The following ZNF276 variants were observed in gnomAD, a reference collection of about 807,000 sequenced individuals.
The protein encoded by ZNF276 is centromere protein Z.
Under a neutral mutation model 63.9 loss-of-function variants are expected in ZNF276, and 59 were observed. The observed-to-expected ratio is 0.92, with a 90% CI of 0.75 to 1.15. The LOEUF (loss-of-function observed/expected upper bound fraction) is 1.15. Among genes scored for constraint, ZNF276 ranks in the 50% most tolerant of loss-of-function variants. ZNF276 has a pLI of 0.00. For synonymous variants in ZNF276, 496 were observed against 348.4 expected (o/e 1.42, Z -4.72); for missense variants, 1,084 against 843.8 (o/e 1.28, Z -3.53).
chr16:89,734,167 G>A lies in ZNF276; in HGVS notation c.1474+129G>A, dbSNP rs950664462. 2.2e-5 allele frequency: 17 copies of A among 760,310 alleles called. 1 individual carries two copies. The highest frequency in any genetic ancestry group is 1.5e-4 in the Admixed American group (6 of 40,592). The allele number at this position is 760,310 out of a possible 1,614,324, so 47.1% of individuals were successfully genotyped here. On this transcript the variant is annotated intron_variant, in intron 9 of 10. Coordinates refer to ENST00000443381, the MANE Select transcript of ZNF276 (RefSeq NM_001113525.2). ...GTGAAGGTGGCTCATGGGGTCTTTG[G>A]TACTCAGTCACGTTGGTAGATGAAG...
At chr16:89,723,110 G>C (rs1440033089) in intron 2 of ZNF276, 27 bp from the exon 3 acceptor site, 1 of 1,613,158 alleles carries the variant, frequency 6.2e-7, no homozygotes. Flanking sequence ...TGCTTGTCCT[G>C]CTCATGGCCA....
At position 89,723,181 on chromosome 16, in the gene ZNF276, T is replaced by C. The variant is rs1269102494; in HGVS notation, c.554T>C (p.Leu185Pro). Residue 185 changes from leucine (L) to proline (P), a missense_variant and splice_region_variant, in exon 3 of 11, where the codon CTG (leucine) becomes CCG (proline). Transcript: ENST00000443381. ...ACAGGGGCAGAGGAGGGAGCGTGTCTGGGTGAGTCCTCCCCCGGTGGAGGG... is the reference window on the plus strand; with the variant it reads ...ACAGGGGCAGAGGAGGGAGCGTGTCCGGGTGAGTCCTCCCCCGGTGGAGGG... ...PPTGAEEGACLVDLITSSPQC... is the reference protein window; with the variant it reads ...PPTGAEEGACPVDLITSSPQC... 2 of 1,613,178 alleles carry C rather than the reference T, an allele frequency of 1.2e-6. No individual in the cohort carries two copies. Among genetic ancestry groups the C allele is most frequent in the South Asian group, 2.2e-5 (2 of 91,088 alleles).
rs748405201 is a variant in ZNF276 at position 89,722,812 on chromosome 16, G to T, written c.487G>T (p.Gly163Cys). ...FLQRVNASPA[G>C]RRKPCAKVGA... ...GCAGAGGGTCAACGCCTCCCCGGCT[G>T]GTCGCCGGAAGCCTTGTGCAAAGTA... Residue 163 changes from glycine to cysteine, a missense_variant, in exon 2 of 11, where the codon GGT (glycine) becomes TGT (cysteine). Transcript: ENST00000443381. 6.2e-7 allele frequency: 1 copy of T among 1,604,386 alleles called. No individual in the cohort carries two copies. Among genetic ancestry groups the T allele is most frequent in the East Asian group, 2.2e-5 (1 of 44,874 alleles).
rs201205004 is a variant in ZNF276 at position 89,738,746 on chromosome 16, A to G, written c.*500A>G. On this transcript the variant is annotated 3_prime_UTR_variant, in exon 11 of 11. Transcript: ENST00000443381. ...AGCAGGTCCTCAGCCCATGCCGCCC[A>G]CTAGGCCTCAGACCACAGGGGAGGG... 103 of 1,612,890 alleles carry G rather than the reference A, an allele frequency of 6.4e-5. No homozygotes were observed. Among genetic ancestry groups the G allele is most frequent in the Middle Eastern group, 5.0e-4 (3 of 6,060 alleles).
At chr16:89,732,166 C>G (rs1161733202) in intron 6 of ZNF276, 1 of 58,884 alleles carries the variant, frequency 1.7e-5, no homozygotes, top group South Asian at 8.1e-4. Context: ...GTGCGTCTCT[C>G]TCTTTAAGTC....
In ZNF276 at chr16:89,738,717, G is replaced by C. The variant is rs368506826; in HGVS notation, c.*471G>C. 253 of 1,613,784 alleles carry C rather than the reference G, an allele frequency of 1.6e-4. 1 individual carries two copies. In the Middle Eastern group the frequency reaches 1.8e-3, roughly 12 times the overall value. ...CCACGATCAGCCAGCAGCTGTGAGA[G>C]AGGAGCAGGTCCTCAGCCCATGCCG... On this transcript the variant is annotated 3_prime_UTR_variant, in exon 11 of 11. Transcript: ENST00000443381.
At position 89,739,087 on chromosome 16, in the gene ZNF276, G is replaced by C. The variant is rs191404781; in HGVS notation, c.*841G>C. Reference sequence around the variant, plus strand: ...ACATTCTTTGGCAGAAGGAGCCTCCGGCTGGGGGGAGCTCCCCTGGAGGTG... The same window carrying C: ...ACATTCTTTGGCAGAAGGAGCCTCCCGCTGGGGGGAGCTCCCCTGGAGGTG... On this transcript the variant is annotated 3_prime_UTR_variant, in exon 11 of 11. Transcript: ENST00000443381. The C allele has an allele frequency of 2.5e-6, 4 of 1,613,718 alleles. No homozygotes were observed. In the African/African-American group the frequency reaches 5.3e-5, roughly 22 times the overall value.
intron 6 of ZNF276, chr16:89,731,873 C>A (rs975685761): frequency 2.6e-5 from 4 of 152,216 alleles, no homozygotes; most frequent in African/African-American, 9.7e-5. Context: ...TTAGGGTTTT[C>A]TACGTAGAAG....
At position 89,740,778 on chromosome 16, in the gene ZNF276, A is replaced by G; in HGVS notation, c.*2532A>G. Reference sequence around the variant, plus strand: ...TGCCTGGCCCACAGTGGGAGAGGACACCTTGGCTGGTAAGGTCTGACTTAC... The same window carrying G: ...TGCCTGGCCCACAGTGGGAGAGGACGCCTTGGCTGGTAAGGTCTGACTTAC... On this transcript the variant is annotated 3_prime_UTR_variant, in exon 11 of 11. Coordinates refer to ENST00000443381, the MANE Select transcript of ZNF276 (RefSeq NM_001113525.2). 1.1e-5 allele frequency: 17 copies of G among 1,609,450 alleles called. No homozygotes were observed. Among genetic ancestry groups the G allele is most frequent in the Non-Finnish European group, 1.4e-5 (17 of 1,176,590 alleles).
Position 89,738,152 on chromosome 16 carries a change from A to G in ZNF276, c.1751A>G (p.Asp584Gly), listed in dbSNP as rs745653812. 21 of 1,613,516 alleles carry G rather than the reference A, an allele frequency of 1.3e-5. No homozygotes were observed. Among genetic ancestry groups the G allele is most frequent in the Non-Finnish European group, 1.8e-5 (21 of 1,179,984 alleles). The change falls in exon 11 of 11, where the codon GAC (aspartate) becomes GGC (glycine). Residue 584 changes from aspartate (D) to glycine (G), a missense_variant. By Grantham distance (94) the Asp-to-Gly change is moderately conservative. Transcript: ENST00000443381. ...SMVHPLTQTQ[D>G]KALPLEAEPP... ...GTGCACCCGCTGACACAGACCCAGG[A>G]CAAGGCCCTGCCCCTGGAGGCGGAA...
intron 4 of ZNF276, among the ~76,000 whole-genome samples, chr16:89,725,891 T>G (rs1311777089): frequency 6.6e-6 from 1 of 152,210 alleles, no homozygotes; most frequent in African/African-American, 2.4e-5. Flanking sequence ...AAGTGATCCT[T>G]CTGCCTTGGC....
chr16:89,723,698 G>A lies in ZNF276; in HGVS notation c.995G>A (p.Cys332Tyr), dbSNP rs756238194. ...GFPPQPSLPLCRAPGQLGEKQ... is the reference protein window; with the variant it reads ...GFPPQPSLPLYRAPGQLGEKQ... ...CCACCTCAGCCAAGCCTGCCCCTTTGCAGGGCCCCAGGTAGGAGGCACCTC... is the reference window on the plus strand; with the variant it reads ...CCACCTCAGCCAAGCCTGCCCCTTTACAGGGCCCCAGGTAGGAGGCACCTC... The change falls in exon 4 of 11, where the codon TGC becomes TAC. Residue 332 changes from cysteine (C) to tyrosine (Y), a missense_variant. Transcript: ENST00000443381. 1 of 1,609,644 alleles carries A rather than the reference G, an allele frequency of 6.2e-7. No individual in the cohort carries two copies. The highest frequency in any genetic ancestry group is 8.5e-7 in the Non-Finnish European group (1 of 1,178,054).
intron 6 of ZNF276, among the ~76,000 whole-genome samples, chr16:89,730,178 C>T (rs1204941596): frequency 1.3e-5 from 2 of 152,184 alleles, no homozygotes; most frequent in South Asian, 2.1e-4. Context: ...AGATGCGAAG[C>T]AGAGGGCAGG....
chr16:89,729,610 C>A (rs2061581774), intron 6 of ZNF276, among the ~76,000 whole-genome samples: 1 of 152,154 alleles, frequency 6.6e-6, no homozygotes, highest in South Asian at 2.1e-4. Flanking sequence ...CAGAACCCCG[C>A]CTTGCTTGAG....
At chr16:89,728,959 A>AC (rs1376764114) in intron 5 of ZNF276, among the ~76,000 whole-genome samples, 44 of 152,068 alleles carry the variant, frequency 2.9e-4, no homozygotes, top group African/African-American at 9.9e-4. Context: ...GAGCGCCTCC[A>AC]CCCCTTCTGG....
intron 8 of ZNF276, 130 bp from the exon 9 acceptor site, chr16:89,733,780 TGAAGCTGTGAA>T (rs1289643877): frequency 9.0e-6 from 8 of 885,310 alleles, no homozygotes; most frequent in Non-Finnish European, 1.4e-5. Flanking sequence ...TTTCTTGGAG[TGAAGCTGTGAA>T]GGAGCCAGTG....
chr16:89,728,464 C>T (rs1476971509), intron 5 of ZNF276, among the ~76,000 whole-genome samples: 1 of 152,054 alleles, frequency 6.6e-6, no homozygotes, highest in African/African-American at 2.4e-5. Flanking sequence ...AGTGCAGTGG[C>T]ACAATCTCGG....
chr16:89,727,174 C>T, intron 4 of ZNF276, 105 bp from the exon 5 acceptor site: 1 of 1,186,562 alleles, frequency 8.4e-7, no homozygotes, highest in Middle Eastern at 2.2e-4. Flanking sequence ...GGGTCAGGGA[C>T]CCCAGTCTCC....
chr16:89,739,926 A>G lies in ZNF276; in HGVS notation c.*1680A>G, dbSNP rs2062085311. 1 of 1,604,614 alleles carries G rather than the reference A, an allele frequency of 6.2e-7. No homozygotes were observed. The highest frequency in any genetic ancestry group is 1.7e-5 in the Admixed American group (1 of 59,526). ...GGAACCTCAAGGAGGGCTCGTTCTT[A>G]ACCATTTGCAAGATGCCTCTGAAAA... is the stretch of plus-strand genomic sequence containing the variant. On this transcript the variant is annotated 3_prime_UTR_variant, in exon 11 of 11. Transcript: ENST00000443381.
Sources: gnomAD v4.1 joint callset for allele counts (sites outside exome capture counted in the v4.1 genomes callset) on GRCh38, gnomAD v4.1.1 for gene constraint, MANE v1.5 for transcripts, NCBI Gene and HGNC (gene_info 2026-07-23, HGNC 2026-07-21) for gene names.